PRKDC: variants seen among roughly 807,000 people sequenced by gnomAD.
The protein encoded by PRKDC is DNA-dependent protein kinase catalytic subunit.
Under a neutral mutation model 486.9 loss-of-function variants are expected in PRKDC, and 82 were observed. The ratio of observed to expected loss-of-function variants is 0.17; its 90% CI spans 0.14 to 0.20. PRKDC has a LOEUF of 0.20. Ranked by LOEUF, PRKDC falls within the 10% of genes least tolerant of loss-of-function variation. The pLI is 1.00. For synonymous variants in PRKDC, 1,895 were observed against 1,837.0 expected (o/e 1.03, Z -0.81); for missense variants, 4,504 against 5,038.2 (o/e 0.89, Z 3.21).
intron 69 of PRKDC, among the ~76,000 whole-genome samples, chr8:47,805,566 T>A (rs193049751): frequency 7.4e-4 from 112 of 152,350 alleles, no homozygotes; most frequent in African/African-American, 1.9e-3. Flanking sequence ...AGGAAATAGT[T>A]TCTCCCATTA....
intron 51 of PRKDC, among the ~76,000 whole-genome samples, chr8:47,853,382 G>C (rs746239213): frequency 1.3e-5 from 2 of 152,226 alleles, no homozygotes; most frequent in Non-Finnish European, 2.9e-5. Flanking sequence ...GACGGTGCTG[G>C]GGGGCCAACA....
In PRKDC at chr8:47,777,067, TTAAAG is replaced by T. The variant is rs2086621552; in HGVS notation, c.12043-89_12043-85del. Reference sequence around the variant, plus strand: ...AAACAGATTAAATCTAGTAATGATCTTAAAGTAAACAAACATCTATAACCAGGAGC... The same window carrying T: ...AAACAGATTAAATCTAGTAATGATCTTAAACAAACATCTATAACCAGGAGC... On this transcript the variant is annotated intron_variant, in intron 84 of 85. Transcript: ENST00000314191. 4 of 1,484,232 alleles carry T rather than the reference TTAAAG, an allele frequency of 2.7e-6. No individual in the cohort carries two copies. The African/African-American group carries it at 4.2e-5, about 16-fold the overall frequency. 91.9% of individuals were successfully genotyped at this position (1,484,232 alleles called of 1,614,324 possible). A position where few individuals can be genotyped will look rare whatever the true frequency, so the allele number is the denominator to read the frequency against.
At chr8:47,871,392 C>T (rs952513969) in intron 40 of PRKDC, among the ~76,000 whole-genome samples, 6 of 151,868 alleles carry the variant, frequency 4.0e-5, no homozygotes, top group African/African-American at 1.5e-4. Context: ...TGGTAGCAGA[C>T]TTATGGGTGG....
intron 30 of PRKDC, 29 bp from the exon 31 acceptor site, chr8:47,893,416 C>T (rs746134485): frequency 6.8e-7 from 1 of 1,467,450 alleles, no homozygotes; most frequent in Non-Finnish European, 9.1e-7. Flanking sequence ...TTAAAATGCA[C>T]ACATATACCT....
At chr8:47,863,228 C>T (rs1018039587) in intron 42 of PRKDC, among the ~76,000 whole-genome samples, 171 bp downstream of exon 42, 1 of 152,152 alleles carries the variant, frequency 6.6e-6, no homozygotes, top group Non-Finnish European at 1.5e-5. Flanking sequence ...TTATCCAATA[C>T]ACCCTAAATT....
intron 12 of PRKDC, 136 bp downstream of exon 12, chr8:47,936,217 T>C: frequency 1.0e-6 from 1 of 998,548 alleles, no homozygotes; most frequent in Non-Finnish European, 1.4e-6. Flanking sequence ...AATAATTCTA[T>C]TGCCACAAAG....
At chr8:47,849,738 C>T (rs1191236094) in intron 52 of PRKDC, among the ~76,000 whole-genome samples, 1 of 152,228 alleles carries the variant, frequency 6.6e-6, no homozygotes, top group Non-Finnish European at 1.5e-5. Context: ...CAGTCCACAT[C>T]ACTGTGCTCT....
Position 47,807,320 on chromosome 8 carries a change from G to A in PRKDC, c.9564C>T (p.Phe3188=). The change falls in exon 69 of 86, where the codon TTC becomes TTT. Residue 3188 remains phenylalanine (F), a synonymous_variant. Coordinates refer to ENST00000314191, the MANE Select transcript of PRKDC (RefSeq NM_006904.7). ...GCTTCTCCTCTATTTTGCTGAGAAA[G>A]AAACATCTACACAAAGAAAAATGAG... ...IWDDIITNRC[F]FLSKIEEKLT... 6.4e-7 allele frequency: 1 copy of A among 1,551,248 alleles called. No individual in the cohort carries two copies. Among genetic ancestry groups the A allele is most frequent in the Non-Finnish European group, 8.7e-7 (1 of 1,146,086 alleles).
intron 29 of PRKDC, 96 bp from the exon 30 acceptor site, chr8:47,897,390 G>A (rs2089599975): frequency 3.3e-6 from 4 of 1,203,618 alleles, no homozygotes; most frequent in Admixed American, 2.5e-5. Context: ...TTATCACACA[G>A]ATATATGTAG....
intron 60 of PRKDC, among the ~76,000 whole-genome samples, chr8:47,831,230 G>A (rs1275476021): frequency 6.6e-6 from 1 of 152,336 alleles, no homozygotes; most frequent in Non-Finnish European, 1.5e-5. Context: ...TGGGGAGGGG[G>A]CCGGCACAGC....
At chr8:47,839,069 A>C in intron 56 of PRKDC, 79 bp downstream of exon 56, 2 of 1,102,618 alleles carry the variant, frequency 1.8e-6, no homozygotes, top group Non-Finnish European at 2.7e-6. Context: ...CATTTCTAAA[A>C]CTCCTGAAAA....
At chr8:47,933,320 G>A in intron 15 of PRKDC, 148 bp from the exon 16 acceptor site, 1 of 611,728 alleles carries the variant, frequency 1.6e-6, no homozygotes. Context: ...TTACCTGGAA[G>A]TTTTCAAGTT....
chr8:47,912,013 C>T (rs543653715), intron 25 of PRKDC, among the ~76,000 whole-genome samples: 9 of 152,168 alleles, frequency 5.9e-5, no homozygotes, highest in Non-Finnish European at 1.0e-4. Context: ...TCAGGTGATC[C>T]GCCTACCTCA....
intron 23 of PRKDC, among the ~76,000 whole-genome samples, chr8:47,914,278 G>C (rs1041014025): frequency 2.0e-5 from 3 of 151,826 alleles, no homozygotes; most frequent in African/African-American, 7.3e-5. Context: ...TTTTAAACAA[G>C]CCTAATAGTC....
Position 47,836,974 on chromosome 8 carries a change from G to T in PRKDC, c.7761+238C>A, listed in dbSNP as rs558601360. ...ACAAGCTCAGCATCCACTGTGGATT[G>T]GGAGGAATGAGGGGAGGGAAAGCAA... On this transcript the variant is annotated intron_variant, in intron 57 of 85. Transcript: ENST00000314191. Among the ~76,000 whole-genome samples the T allele has an allele frequency of 3.3e-5, 5 of 152,350 alleles. No individual in the cohort carries two copies. In the East Asian group the frequency reaches 9.7e-4, roughly 29 times the overall value.
intron 25 of PRKDC, among the ~76,000 whole-genome samples, chr8:47,909,191 C>CAGGGACCCCACACGG (rs2089850883): frequency 1.3e-5 from 2 of 152,320 alleles, no homozygotes; most frequent in South Asian, 4.1e-4. Flanking sequence ...TGTGGGAAGT[C>CAGGGACCCCACACGG]AGGGACCCCA....
Position 47,929,931 on chromosome 8 carries a change from T to C in PRKDC, c.1974A>G (p.Thr658=). 1 of 1,610,358 alleles carries C rather than the reference T, an allele frequency of 6.2e-7. No individual in the cohort carries two copies. The highest frequency in any genetic ancestry group is 8.5e-7 in the Non-Finnish European group (1 of 1,178,330). ...AGAAACCACTGATGAGGGGCAACCTTGTAGATTGCAAAATTAATTCATATG... is the reference window on the plus strand; with the variant it reads ...AGAAACCACTGATGAGGGGCAACCTCGTAGATTGCAAAATTAATTCATATG... ...SFSYELILQS[T]RLPLISGFYK... The change falls in exon 18 of 86, where the codon ACA becomes ACG. Residue 658 remains threonine (T), a synonymous_variant. Coordinates refer to ENST00000314191, the MANE Select transcript of PRKDC (RefSeq NM_006904.7).
intron 73 of PRKDC, among the ~76,000 whole-genome samples, chr8:47,797,882 T>C (rs2087014494): frequency 6.6e-6 from 1 of 152,218 alleles, no homozygotes; most frequent in Admixed American, 6.5e-5. Context: ...CCCTTTGGGC[T>C]AAATGACAGG....
In PRKDC at chr8:47,863,404, C is replaced by A; in HGVS notation, c.5745G>T (p.Leu1915Phe). 6.3e-7 allele frequency: 1 copy of A among 1,597,700 alleles called. No individual in the cohort carries two copies. Among genetic ancestry groups the A allele is most frequent in the East Asian group, 2.2e-5 (1 of 44,588 alleles). Residue 1915 changes from leucine (L) to phenylalanine (F), a missense_variant, in exon 42 of 86, where the codon TTG (leucine) becomes TTT (phenylalanine). Leu to Phe is a conservative substitution (Grantham distance 22). Around this residue, in one of 6 missense-constraint regions of PRKDC, gnomAD observed 80 missense variants for 132.3 expected, o/e 0.60. Coordinates refer to ENST00000314191, the MANE Select transcript of PRKDC (RefSeq NM_006904.7). ...AAAATTAAGTAAAATCTTACTTAAT[C>A]AATGTCTTTGTAAGTTCATTTCCTT... ...ITEGNELTKTLIKLCYDAFTE... is the reference protein window; with the variant it reads ...ITEGNELTKTFIKLCYDAFTE...
Sources: gnomAD v4.1 joint callset for allele counts (sites outside exome capture counted in the v4.1 genomes callset) on GRCh38, gnomAD v4.1.1 for gene constraint, gnomAD v4.1.1 regional missense constraint, MANE v1.5 for transcripts, NCBI Gene and HGNC (gene_info 2026-07-23, HGNC 2026-07-21) for gene names.